CSMD1: variants seen among roughly 807,000 people sequenced by gnomAD.
The protein encoded by CSMD1 is CUB and sushi domain-containing protein 1.
A neutral mutation model predicts 417.5 loss-of-function variants in CSMD1; 213 were observed. The observed-to-expected ratio is 0.51, with a 90% CI of 0.46 to 0.57. CSMD1 has a LOEUF of 0.57. CSMD1 is among the 20% of genes least tolerant of loss of function. The probability of loss-of-function intolerance (pLI) is 0.00; values close to 1 mark genes in which losing one functional copy is unlikely to be tolerated. For synonymous variants in CSMD1, 2,862 were observed against 1,736.8 expected (o/e 1.65, Z -16.11); for missense variants, 6,923 against 4,529.7 (o/e 1.53, Z -15.17).
intron 33 of CSMD1, among the ~76,000 whole-genome samples, chr8:3,195,294 A>C (rs1796643922): frequency 6.6e-6 from 1 of 152,118 alleles, no homozygotes. Context: ...CCTGTCTTAA[A>C]TCCACAGGAG....
At chr8:3,648,974 G>C (rs1484238465) in intron 7 of CSMD1, among the ~76,000 whole-genome samples, 1 of 152,096 alleles carries the variant, frequency 6.6e-6, no homozygotes, top group Middle Eastern at 3.2e-3. Context: ...CCTGTGCATG[G>C]TGTTTGAGAT....
intron 8 of CSMD1, among the ~76,000 whole-genome samples, chr8:3,599,167 G>GTT (rs1801239271): frequency 6.7e-6 from 1 of 149,872 alleles, no homozygotes; most frequent in Admixed American, 6.6e-5. Flanking sequence ...GTGTGTCTGT[G>GTT]TGTGTGTGTG....
At chr8:4,858,646 G>T (rs1338167801) in intron 1 of CSMD1, among the ~76,000 whole-genome samples, 2 of 151,798 alleles carry the variant, frequency 1.3e-5, no homozygotes, top group African/African-American at 2.4e-5. Context: ...GCCAAATCAC[G>T]AGTGAACTCC....
intron 26 of CSMD1, among the ~76,000 whole-genome samples, chr8:3,230,795 A>C (rs1321024913): frequency 6.6e-6 from 1 of 152,156 alleles, no homozygotes; most frequent in East Asian, 1.9e-4. Context: ...ACTCACCCAA[A>C]AAATTCCAAG....
intron 3 of CSMD1, among the ~76,000 whole-genome samples, chr8:4,186,628 G>A (rs1798693641): frequency 6.6e-6 from 1 of 152,126 alleles, no homozygotes; most frequent in Non-Finnish European, 1.5e-5. Flanking sequence ...CAGGGGCTAA[G>A]AGGCTATTAT....
intron 3 of CSMD1, among the ~76,000 whole-genome samples, chr8:4,097,354 TA>T (rs1801068939): frequency 6.6e-6 from 1 of 152,184 alleles, no homozygotes; most frequent in South Asian, 2.1e-4. Context: ...ATAAAATGTG[TA>T]AAAGAAGAAT....
intron 50 of CSMD1, 99 bp from the exon 51 acceptor site, chr8:3,029,612 C>A: frequency 9.8e-7 from 1 of 1,016,138 alleles, no homozygotes; most frequent in Non-Finnish European, 1.4e-6. Context: ...TGAAACTGAT[C>A]TTGTTTGGCA....
At chr8:3,314,189 G>C (rs147548345) in intron 23 of CSMD1, among the ~76,000 whole-genome samples, 2,823 of 152,144 alleles carry the variant, frequency 0.019, 78 homozygotes, top group African/African-American at 0.064. Context: ...GTTAATGGGT[G>C]CAGCACACCA....
intron 3 of CSMD1, among the ~76,000 whole-genome samples, chr8:4,118,318 C>G (rs546265598): frequency 2.0e-4 from 31 of 151,264 alleles, no homozygotes; most frequent in Admixed American, 3.3e-4. Flanking sequence ...TTTACTGCAG[C>G]AAACTTAAAA....
chr8:4,574,255 G>C (rs183728442), intron 2 of CSMD1, among the ~76,000 whole-genome samples: 3 of 152,300 alleles, frequency 2.0e-5, no homozygotes, highest in Admixed American at 2.0e-4. Flanking sequence ...TGGTGGTGTA[G>C]GCATCTGAGG....
chr8:3,029,545 T>C, intron 50 of CSMD1, 32 bp from the exon 51 acceptor site: 1 of 1,549,542 alleles, frequency 6.5e-7, no homozygotes, highest in Non-Finnish European at 8.7e-7. Context: ...CATCATCATT[T>C]TTCTTTTTTG....
intron 10 of CSMD1, among the ~76,000 whole-genome samples, chr8:3,562,816 C>G (rs562324749): frequency 1.3e-5 from 2 of 151,784 alleles, no homozygotes; most frequent in Non-Finnish European, 2.9e-5. Flanking sequence ...ACAACTAAGG[C>G]GCACTAGGCT....
intron 7 of CSMD1, among the ~76,000 whole-genome samples, chr8:3,642,777 C>T (rs561711999): frequency 6.6e-6 from 1 of 152,006 alleles, no homozygotes; most frequent in Non-Finnish European, 1.5e-5. Context: ...AAACGCATTT[C>T]ATGCAGAGTA....
At chr8:4,036,863 G>C (rs551847575) in intron 3 of CSMD1, among the ~76,000 whole-genome samples, 2 of 152,166 alleles carry the variant, frequency 1.3e-5, no homozygotes, top group African/African-American at 2.4e-5. Context: ...TCTGCATGAG[G>C]TATGTCCAGT....
chr8:3,025,184 G>A (rs537124800), intron 51 of CSMD1, among the ~76,000 whole-genome samples: 2 of 149,826 alleles, frequency 1.3e-5, no homozygotes, highest in South Asian at 2.1e-4. Context: ...TTCTGATACC[G>A]TGTATTGTGT....
At chr8:3,018,002 C>T (rs971499918) in intron 52 of CSMD1, among the ~76,000 whole-genome samples, 1 of 151,908 alleles carries the variant, frequency 6.6e-6, no homozygotes, top group Non-Finnish European at 1.5e-5. Context: ...AAACATTTTT[C>T]AATCCATTTT....
intron 11 of CSMD1, among the ~76,000 whole-genome samples, chr8:3,475,801 G>T (rs1013023488): frequency 6.6e-6 from 1 of 152,238 alleles, no homozygotes; most frequent in African/African-American, 2.4e-5. Context: ...TTATGTATTT[G>T]TTCCTGCCTT....
chr8:3,507,091 T>G (rs1017476400), intron 10 of CSMD1, among the ~76,000 whole-genome samples: 3 of 152,198 alleles, frequency 2.0e-5, no homozygotes, highest in Non-Finnish European at 4.4e-5. Context: ...TTACAAATGA[T>G]AATTACTATT....
At chr8:4,324,875 C>T (rs1342265956) in intron 3 of CSMD1, among the ~76,000 whole-genome samples, 6 of 152,152 alleles carry the variant, frequency 3.9e-5, no homozygotes, top group African/African-American at 1.4e-4. Context: ...ACCTCAGGGT[C>T]CTGGATCCTC....
Sources: allele counts gnomAD v4.1 joint callset (sites outside exome capture counted in the v4.1 genomes callset), GRCh38; gene constraint gnomAD v4.1.1; transcripts MANE v1.5; gene names NCBI Gene and HGNC (gene_info 2026-07-23, HGNC 2026-07-21).